TCERG1: variants seen among roughly 807,000 people sequenced by gnomAD.
TCERG1 encodes transcription elongation regulator 1.
A neutral mutation model predicts 144.7 loss-of-function variants in TCERG1; 37 were observed. That is an observed-to-expected ratio of 0.26 (90% CI 0.20 to 0.34). The LOEUF (loss-of-function observed/expected upper bound fraction) is 0.34. TCERG1 is among the 10% of genes least tolerant of loss of function. TCERG1 has a pLI of 1.00. For missense variants in TCERG1, 1,027 were observed against 1,380.7 expected (o/e 0.74, Z 4.06); for synonymous variants, 492 against 458.2 (o/e 1.07, Z -0.94).
intron 16 of TCERG1, among the ~76,000 whole-genome samples, chr5:146,493,252 G>A (rs1766594202): frequency 6.6e-6 from 1 of 152,020 alleles, no homozygotes; most frequent in Non-Finnish European, 1.5e-5. Flanking sequence ...TTTGATTTAA[G>A]TGCTTCCCTA....
At chr5:146,463,863 T>A in intron 5 of TCERG1, 70 bp downstream of exon 5, 1 of 1,584,330 alleles carries the variant, frequency 6.3e-7, no homozygotes, top group Non-Finnish European at 8.6e-7. Flanking sequence ...TTCTCATGTG[T>A]CTGTTGCGTT....
rs1764106830 is a variant in TCERG1, at chr5:146,469,615, G to C, written c.1270G>C (p.Ala424Pro). The part of the protein sequence containing the change: ...HPQVAIAASP[A>P]TLAGATAVSE... ...CCAGGTTGCTATTGCAGCTTCACCT[G>C]CTACCTTAGCTGGAGCAACAGCAGT... The change falls in exon 7 of 23, where the codon GCT (alanine) becomes CCT (proline). Residue 424 changes from alanine to proline, a missense_variant. Ala to Pro is a conservative substitution (Grantham distance 27, BLOSUM62 -1). This residue lies in a region of TCERG1 where 482 missense variants were observed against 632.6 expected (regional missense o/e 0.76). Coordinates refer to ENST00000679501, the MANE Select transcript of TCERG1 (RefSeq NM_001382548.1). The C allele has an allele frequency of 3.1e-6, 5 of 1,613,432 alleles. No individual in the cohort carries two copies. Among genetic ancestry groups the C allele is most frequent in the Non-Finnish European group, 4.2e-6 (5 of 1,179,638 alleles).
intron 16 of TCERG1, among the ~76,000 whole-genome samples, chr5:146,497,316 G>A (rs947348144): frequency 2.6e-5 from 4 of 152,106 alleles, no homozygotes; most frequent in Admixed American, 1.3e-4. Context: ...GATTACAGGC[G>A]TCAGCTACTG....
At chr5:146,482,536 TA>T in intron 13 of TCERG1, 55 bp from the exon 14 acceptor site, 1 of 1,493,756 alleles carries the variant, frequency 6.7e-7, no homozygotes, top group Non-Finnish European at 9.0e-7. Context: ...AGATTTCTAA[TA>T]AGATCTGAGA....
chr5:146,470,746 G>C lies in TCERG1; in HGVS notation c.1510G>C (p.Glu504Gln), dbSNP rs776854088. 1 of 1,605,748 alleles carries C rather than the reference G, an allele frequency of 6.2e-7. No individual in the cohort carries two copies. Among genetic ancestry groups the C allele is most frequent in the Non-Finnish European group, 8.5e-7 (1 of 1,177,240 alleles). ...AGAAGAGCCTATAAAGGAGATAAAGGAGGTAAAGGGCCATGACCTGTTAAC... is the reference window on the plus strand; with the variant it reads ...AGAAGAGCCTATAAAGGAGATAAAGCAGGTAAAGGGCCATGACCTGTTAAC... Reference protein sequence around the residue: ...PKEEPIKEIKEEPKEEEMTEE... With the variant: ...PKEEPIKEIKQEPKEEEMTEE... The change falls in exon 8 of 23, where the codon GAG becomes CAG. Residue 504 changes from glutamate (E) to glutamine (Q), a missense_variant and splice_region_variant. Around this residue, in one of 6 missense-constraint regions of TCERG1, gnomAD observed 482 missense variants for 632.6 expected, o/e 0.76. Transcript: ENST00000679501.
In TCERG1 at chr5:146,505,258, C is replaced by G. The variant is rs372511195; in HGVS notation, c.2781+1252C>G. On this transcript the variant is annotated intron_variant, in intron 19 of 22. Coordinates refer to ENST00000679501, the MANE Select transcript of TCERG1 (RefSeq NM_001382548.1). ...ATTACAGTAGTTTCCTAATTTCTCT[C>G]CCTACCTCTAACATTCCCTCAAATT... Among the ~76,000 whole-genome samples, 9 of 152,276 alleles carry G rather than the reference C, an allele frequency of 5.9e-5. No homozygotes were observed. In the East Asian group the frequency reaches 1.5e-3, roughly 26 times the overall value.
intron 15 of TCERG1, 120 bp downstream of exon 15, chr5:146,483,749 G>T (rs1765572521): frequency 8.3e-6 from 6 of 719,632 alleles, no homozygotes; most frequent in African/African-American, 1.8e-5. Context: ...ATATAGTCTT[G>T]CATCTTAGAA....
intron 4 of TCERG1, among the ~76,000 whole-genome samples, chr5:146,460,761 A>G (rs1019631066): frequency 6.6e-6 from 1 of 152,200 alleles, no homozygotes; most frequent in Admixed American, 6.5e-5. Context: ...GAATGTACTG[A>G]ACAGGAAAAT....
intron 3 of TCERG1, among the ~76,000 whole-genome samples, chr5:146,457,590 T>TA: frequency 6.6e-6 from 1 of 152,360 alleles, no homozygotes; most frequent in Non-Finnish European, 1.5e-5. Flanking sequence ...GCCTAGCACA[T>TA]ACCAAATTCC....
chr5:146,509,074 A>G (rs1194801337), intron 21 of TCERG1, 71 bp from the exon 22 acceptor site: 1 of 829,330 alleles, frequency 1.2e-6, no homozygotes, highest in Non-Finnish European at 1.9e-6. Flanking sequence ...TGTTTAATAA[A>G]TAATTGATGT....
At chr5:146,476,760 C>T (rs10075143) in intron 9 of TCERG1, among the ~76,000 whole-genome samples, 37,229 of 151,978 alleles carry the variant, frequency 0.24, 5,680 homozygotes, top group East Asian at 0.84. Flanking sequence ...CTCTGTTCTT[C>T]AGATGAGATA....
At chr5:146,508,476 T>C (rs908088483) in intron 21 of TCERG1, among the ~76,000 whole-genome samples, 4 of 152,214 alleles carry the variant, frequency 2.6e-5, no homozygotes, top group African/African-American at 9.6e-5. Flanking sequence ...TGGGCATCTT[T>C]TATAAAAACT....
Position 146,468,291 on chromosome 5 carries a change from C to T in TCERG1, c.1136-50C>T, listed in dbSNP as rs373730298. On this transcript the variant is annotated intron_variant, in intron 5 of 22. Transcript: ENST00000679501. ...TATTTCCCTGAATCCCAGTGGTAGC[C>T]GACATACAATGGCAGCTTTCCAACG... 81 of 1,396,326 alleles carry T rather than the reference C, an allele frequency of 5.8e-5. 1 individual carries two copies. The South Asian group carries it at 5.9e-4, about 10-fold the overall frequency. 86.5% of individuals were successfully genotyped at this position (1,396,326 alleles called of 1,614,324 possible). A position where few individuals can be genotyped will look rare whatever the true frequency, so the allele number is the denominator to read the frequency against.
rs746588350 is a variant in TCERG1 at position 146,459,126 on chromosome 5, C to G, written c.681C>G (p.Ala227=). ...AQAQAQAQAQ[A]QAQAQAQAQA... is the part of the protein sequence containing the mutation. ...CCCAGGCCCAAGCCCAAGCCCAGGC[C>G]CAGGCTCAGGCTCAGGCACAAGCTC... Residue 227 remains alanine, a synonymous_variant, in exon 4 of 23, where the codon GCC becomes GCG. Coordinates refer to ENST00000679501, the MANE Select transcript of TCERG1 (RefSeq NM_001382548.1). The G allele has an allele frequency of 6.2e-7, 1 of 1,601,332 alleles. No homozygotes were observed. The highest frequency in any genetic ancestry group is 8.5e-7 in the Non-Finnish European group (1 of 1,170,774).
intron 15 of TCERG1, among the ~76,000 whole-genome samples, chr5:146,484,219 T>C (rs1765619494): frequency 6.6e-6 from 1 of 152,150 alleles, no homozygotes; most frequent in African/African-American, 2.4e-5. Flanking sequence ...CATCATAAAC[T>C]CAGAAAAACA....
intron 9 of TCERG1, among the ~76,000 whole-genome samples, chr5:146,475,965 T>G (rs1764805171): frequency 1.3e-5 from 2 of 152,338 alleles, no homozygotes; most frequent in East Asian, 1.9e-4. Context: ...TGTTTAAAAT[T>G]GTCTCATCTT....
intron 1 of TCERG1, among the ~76,000 whole-genome samples, chr5:146,453,487 T>C (rs897657875): frequency 3.3e-5 from 5 of 152,252 alleles, no homozygotes; most frequent in Admixed American, 3.3e-4. Flanking sequence ...AATAGAGATA[T>C]TATTTTACTT....
intron 9 of TCERG1, among the ~76,000 whole-genome samples, chr5:146,477,440 G>C (rs1561667333): frequency 6.6e-6 from 1 of 152,132 alleles, no homozygotes; most frequent in Non-Finnish European, 1.5e-5. Context: ...TCTGCAACCA[G>C]AGATCACCCT....
chr5:146,461,903 G>T (rs1529692), intron 4 of TCERG1: 129,241 of 152,414 alleles, frequency 0.85, 54,925 homozygotes, highest in East Asian at 1. Flanking sequence ...TTTTCAGCCA[G>T]TATAGTAGAT....
Sources: allele counts gnomAD v4.1 joint callset (sites outside exome capture counted in the v4.1 genomes callset), GRCh38; gene constraint gnomAD v4.1.1; regional missense constraint gnomAD v4.1.1; transcripts MANE v1.5; gene names NCBI Gene and HGNC (gene_info 2026-07-23, HGNC 2026-07-21).